The following CR1L variants were observed in gnomAD, a reference collection of about 807,000 sequenced individuals.
CR1L encodes complement component receptor 1-like protein.
CR1L carries 59 observed loss-of-function variants against 62.3 expected under a neutral mutation model. The observed-to-expected ratio is 0.95, with a 90% CI of 0.77 to 1.18. The LOEUF (loss-of-function observed/expected upper bound fraction) is 1.18. Ranked by LOEUF, CR1L falls within the 50% of genes most tolerant of loss-of-function variation. CR1L has a pLI of 0.00. For missense variants in CR1L, 700 were observed against 702.8 expected (o/e 1.00, Z 0.04); for synonymous variants, 279 against 248.7 (o/e 1.12, Z -1.15).
At chr1:207,712,118 C>G (rs1407714028) in intron 10 of CR1L, among the ~76,000 whole-genome samples, 1 of 152,200 alleles carries the variant, frequency 6.6e-6, no homozygotes, top group East Asian at 1.9e-4. Context: ...CTGAGTGAGG[C>G]AAGAACCCTT....
chr1:207,710,698 T>C, intron 10 of CR1L: 1 of 1,610,150 alleles, frequency 6.2e-7, no homozygotes, highest in Non-Finnish European at 8.5e-7. Flanking sequence ...GGTGTCAGCC[T>C]GGCTTTGTCA....
intron 2 of CR1L, 61 bp downstream of exon 2, chr1:207,677,629 T>C (rs758471259): frequency 5.1e-6 from 8 of 1,554,254 alleles, no homozygotes; most frequent in Non-Finnish European, 6.1e-6. Context: ...TCTGATTCAA[T>C]TTGTTCAAAT....
At chr1:207,687,232 T>G (rs1450508125) in intron 4 of CR1L, among the ~76,000 whole-genome samples, 3 of 152,238 alleles carry the variant, frequency 2.0e-5, no homozygotes, top group Non-Finnish European at 4.4e-5. Context: ...AGAGTTTATA[T>G]AAAATTGGTA....
At chr1:207,704,757 C>T (rs1039893554) in intron 9 of CR1L, among the ~76,000 whole-genome samples, 10 of 151,992 alleles carry the variant, frequency 6.6e-5, no homozygotes, top group African/African-American at 2.2e-4. Context: ...ACCTTTTTTT[C>T]ACATAATTCT....
chr1:207,652,665 T>G (rs1663240026), intron 1 of CR1L: 1 of 1,017,994 alleles, frequency 9.8e-7, no homozygotes, highest in Admixed American at 1.7e-5. Flanking sequence ...TCTACGTACC[T>G]CCTCTTGCCA....
rs1297443851 is a variant in CR1L, at chr1:207,683,056, TTCTTTCTTTCTTTC to T, written c.378-798_378-785del. On this transcript the variant is annotated intron_variant, in intron 3 of 11. Coordinates refer to ENST00000508064, the MANE Select transcript of CR1L (RefSeq NM_175710.2). ...CTTCCTTCCTTCCCTCCTTCCTTCCTTCTTTCTTTCTTTCTCTTTCTTTCTTTCTCTCTTTCTCT... is the reference window on the plus strand; with the variant it reads ...CTTCCTTCCTTCCCTCCTTCCTTCCTTCTTTCTTTCTTTCTCTCTTTCTCT... Among the ~76,000 whole-genome samples the T allele has an allele frequency of 1.3e-4, 19 of 146,966 alleles. 1 individual carries two copies. In the East Asian group the frequency reaches 1.5e-3, roughly 12 times the overall value.
At chr1:207,672,963 T>C (rs1663636386) in intron 1 of CR1L, among the ~76,000 whole-genome samples, 1 of 152,186 alleles carries the variant, frequency 6.6e-6, no homozygotes, top group East Asian at 1.9e-4. Context: ...GATCACTTAA[T>C]AAGACGAACT....
At chr1:207,720,580 T>A (rs1654112780) in intron 11 of CR1L, among the ~76,000 whole-genome samples, 1 of 152,174 alleles carries the variant, frequency 6.6e-6, no homozygotes. Context: ...CCCATTTCAA[T>A]GGCCCAGTTA....
intron 10 of CR1L, 36 bp from the exon 11 acceptor site, chr1:207,717,428 T>G: frequency 1.2e-6 from 2 of 1,601,076 alleles, no homozygotes; most frequent in Non-Finnish European, 1.7e-6. Flanking sequence ...TAAGTGAAAC[T>G]CTAATAGAAC....
intron 9 of CR1L, among the ~76,000 whole-genome samples, chr1:207,703,589 T>C (rs1438912320): frequency 6.6e-6 from 1 of 152,230 alleles, no homozygotes; most frequent in Non-Finnish European, 1.5e-5. Context: ...GAGATGCATG[T>C]AGTTTTCCTG....
intron 4 of CR1L, among the ~76,000 whole-genome samples, chr1:207,692,758 T>A (rs920106338): frequency 3.3e-5 from 5 of 151,416 alleles, no homozygotes; most frequent in African/African-American, 1.2e-4. Flanking sequence ...CCAACCTCTT[T>A]GTGATCTTCA....
chr1:207,710,810 G>T (rs1000762659), intron 10 of CR1L: 2 of 1,535,292 alleles, frequency 1.3e-6, no homozygotes, highest in Non-Finnish European at 1.8e-6. Flanking sequence ...GCCTAGAAGG[G>T]CCCTGCAAGT....
chr1:207,668,285 C>T (rs1046775895), intron 1 of CR1L, among the ~76,000 whole-genome samples: 2 of 150,840 alleles, frequency 1.3e-5, no homozygotes, highest in Non-Finnish European at 2.9e-5. Context: ...CACCAATGGA[C>T]GAATGGATAA....
intron 3 of CR1L, among the ~76,000 whole-genome samples, chr1:207,679,259 C>CGGAT: frequency 6.6e-6 from 1 of 150,716 alleles, no homozygotes; most frequent in South Asian, 2.1e-4. Context: ...CACCTCCCGG[C>CGGAT]CTCCCAAAGT....
At chr1:207,691,882 T>A (rs1017224509) in intron 4 of CR1L, among the ~76,000 whole-genome samples, 5 of 152,228 alleles carry the variant, frequency 3.3e-5, no homozygotes, top group African/African-American at 1.2e-4. Context: ...CAATGAACGA[T>A]TCGCAAATCA....
intron 1 of CR1L, among the ~76,000 whole-genome samples, chr1:207,670,538 A>G (rs1374469137): frequency 1.3e-5 from 2 of 150,956 alleles, no homozygotes; most frequent in African/African-American, 2.5e-5. Context: ...CACTGGCAAC[A>G]TCTCACTTGA....
rs192726817 is a variant in CR1L, at chr1:207,645,425, C to G, written c.97+95C>G. 1.0e-4 allele frequency: 141 copies of G among 1,375,810 alleles called. 1 individual carries two copies. The highest frequency in any genetic ancestry group is 2.2e-5 in the Non-Finnish European group (21 of 969,004). The allele number at this position is 1,375,810 out of a possible 1,614,324, so 85.2% of individuals were successfully genotyped here. On this transcript the variant is annotated intron_variant, in intron 1 of 11. Transcript: ENST00000508064. ...GCGCGGGGCGAAGCTCACTGCACGT[C>G]GTGCCTGCTTGGGATAGAGAGCGAG...
At position 207,645,145 on chromosome 1, in the gene CR1L, A is replaced by C; in HGVS notation, c.-89A>C. On this transcript the variant is annotated 5_prime_UTR_variant, in exon 1 of 12. Transcript: ENST00000508064. ...GAGTTTGGGGATTGTTGTGTCCACTAACCGGACTCAGAAGGGACTTCCCTG... is the reference window on the plus strand; with the variant it reads ...GAGTTTGGGGATTGTTGTGTCCACTCACCGGACTCAGAAGGGACTTCCCTG... The C allele has an allele frequency of 7.7e-7, 1 of 1,296,866 alleles. No homozygotes were observed. Among genetic ancestry groups the C allele is most frequent in the East Asian group, 2.3e-5 (1 of 42,960 alleles). The allele number at this position is 1,296,866 out of a possible 1,614,324, so 80.3% of individuals were successfully genotyped here. A position where few individuals can be genotyped will look rare whatever the true frequency, so the allele number is the denominator to read the frequency against.
At chr1:207,674,023 T>C (rs1258675674) in intron 1 of CR1L, among the ~76,000 whole-genome samples, 8 of 152,220 alleles carry the variant, frequency 5.3e-5, no homozygotes, top group East Asian at 1.9e-4. Context: ...GCAACCTAGA[T>C]AGAACTCTAA....
Sources: gnomAD v4.1 joint callset for allele counts (sites outside exome capture counted in the v4.1 genomes callset) on GRCh38, gnomAD v4.1.1 for gene constraint, MANE v1.5 for transcripts, NCBI Gene and HGNC (gene_info 2026-07-23, HGNC 2026-07-21) for gene names.